CSMD1: variants seen among roughly 807,000 people sequenced by gnomAD.
CSMD1 encodes CUB and Sushi multiple domains 1, also known as CUB and sushi domain-containing protein 1.
In CSMD1, 213 loss-of-function variants were observed where a neutral mutation model predicts 417.5. That is an observed-to-expected ratio of 0.51 (90% CI 0.46 to 0.57). The LOEUF (loss-of-function observed/expected upper bound fraction) is 0.57, where lower values mean the gene tolerates loss of function less well. Ranked by LOEUF, CSMD1 falls within the 20% of genes least tolerant of loss-of-function variation. The pLI is 0.00. For missense variants in CSMD1, 6,923 were observed against 4,529.7 expected (o/e 1.53, Z -15.17); for synonymous variants, 2,862 against 1,736.8 (o/e 1.65, Z -16.11).
At chr8:4,643,799 T>C (rs1234563531) in intron 1 of CSMD1, among the ~76,000 whole-genome samples, 2 of 152,324 alleles carry the variant, frequency 1.3e-5, no homozygotes, top group South Asian at 2.1e-4. Context: ...TAATTAATTG[T>C]GGAAGGACCA....
chr8:3,620,215 G>T (rs1802356145), intron 7 of CSMD1, among the ~76,000 whole-genome samples: 1 of 152,044 alleles, frequency 6.6e-6, no homozygotes, highest in Non-Finnish European at 1.5e-5. Flanking sequence ...AAATGAAAGG[G>T]AAATTAAGAC....
chr8:3,240,407 A>T (rs951791354), intron 26 of CSMD1, among the ~76,000 whole-genome samples: 2 of 134,862 alleles, frequency 1.5e-5, no homozygotes, highest in Non-Finnish European at 3.2e-5. Flanking sequence ...AAAGTATCCA[A>T]CCATGCCTAG....
intron 11 of CSMD1, among the ~76,000 whole-genome samples, chr8:3,482,747 A>G (rs1046689241): frequency 6.6e-6 from 1 of 152,254 alleles, no homozygotes; most frequent in African/African-American, 2.4e-5. Context: ...AGATCTTGAC[A>G]TATTCAAATG....
At position 3,577,451 on chromosome 8, in the gene CSMD1, A is replaced by C. The variant is rs552849954; in HGVS notation, c.1223-2385T>G. ...TCTGTCCGTCTTTGCAACATATTTT[A>C]ATAAAAAATTGTTTATTTTTTGTCC... is the stretch of plus-strand genomic sequence containing the variant. On this transcript the variant is annotated intron_variant, in intron 9 of 69. Coordinates refer to ENST00000635120, the MANE Select transcript of CSMD1 (RefSeq NM_033225.6). 5.9e-5 allele frequency among the ~76,000 whole-genome samples: 9 copies of C among 152,300 alleles called. No individual in the cohort carries two copies. The South Asian group carries it at 1.9e-3, about 32-fold the overall frequency.
At position 3,894,976 on chromosome 8, in the gene CSMD1, A is replaced by G. The variant is rs117893511; in HGVS notation, c.818+102927T>C. On this transcript the variant is annotated intron_variant, in intron 5 of 69. Transcript: ENST00000635120. ...ATGAATAGGGTAATTAGAAGAGTCA[A>G]TCATGAATCTCCCATTTGGTATGAA... 6.9e-3 allele frequency among the ~76,000 whole-genome samples: 1,055 copies of G among 152,332 alleles called. 5 individuals carry two copies. The highest frequency in any genetic ancestry group is 0.011 in the Non-Finnish European group (777 of 68,036).
intron 5 of CSMD1, among the ~76,000 whole-genome samples, chr8:3,871,300 C>T (rs922545250): frequency 6.6e-6 from 1 of 152,000 alleles, no homozygotes. Flanking sequence ...GATTTATACT[C>T]CTACTAGTAG....
At chr8:4,273,833 T>C (rs1481660954) in intron 3 of CSMD1, among the ~76,000 whole-genome samples, 1 of 152,140 alleles carries the variant, frequency 6.6e-6, no homozygotes, top group African/African-American at 2.4e-5. Context: ...CTCCAAATGG[T>C]TGTGAAGGTG....
intron 3 of CSMD1, among the ~76,000 whole-genome samples, chr8:4,346,379 C>G (rs1194930370): frequency 6.6e-6 from 1 of 152,156 alleles, no homozygotes; most frequent in East Asian, 1.9e-4. Context: ...GGCTGCTTAC[C>G]TGACCCCACA....
chr8:3,992,918 G>C (rs1422552313), intron 5 of CSMD1, among the ~76,000 whole-genome samples: 1 of 152,220 alleles, frequency 6.6e-6, no homozygotes, highest in East Asian at 1.9e-4. Context: ...TCTCACAAAA[G>C]ATTGAATTGT....
intron 3 of CSMD1, among the ~76,000 whole-genome samples, chr8:4,084,907 A>G (rs1466507118): frequency 6.6e-6 from 1 of 152,004 alleles, no homozygotes; most frequent in African/African-American, 2.4e-5. Context: ...AGAAAAAACA[A>G]AAACAAAAAC....
At chr8:4,274,889 T>C (rs1247130424) in intron 3 of CSMD1, among the ~76,000 whole-genome samples, 1 of 152,190 alleles carries the variant, frequency 6.6e-6, no homozygotes, top group East Asian at 1.9e-4. Flanking sequence ...AAAGGTTTGC[T>C]CACAGATATT....
chr8:3,301,021 A>T (rs1804359589), intron 25 of CSMD1, among the ~76,000 whole-genome samples: 1 of 151,584 alleles, frequency 6.6e-6, no homozygotes, highest in African/African-American at 2.4e-5. Context: ...AAGCAACAAG[A>T]GAGACAATGT....
intron 1 of CSMD1, among the ~76,000 whole-genome samples, chr8:4,726,631 T>C (rs1242281900): frequency 2.0e-5 from 3 of 152,184 alleles, no homozygotes; most frequent in Non-Finnish European, 2.9e-5. Flanking sequence ...CCCTGAATCA[T>C]TATTTCAAGG....
intron 1 of CSMD1, among the ~76,000 whole-genome samples, chr8:4,665,709 T>A (rs1804878242): frequency 6.6e-6 from 1 of 152,252 alleles, no homozygotes; most frequent in African/African-American, 2.4e-5. Context: ...TTCCTCTTTG[T>A]TCTGAGTAGT....
At chr8:4,893,655 C>G (rs1804280154) in intron 1 of CSMD1, among the ~76,000 whole-genome samples, 1 of 152,038 alleles carries the variant, frequency 6.6e-6, no homozygotes, top group African/African-American at 2.4e-5. Flanking sequence ...AGAAGCCGAA[C>G]TTCTTTTTCC....
intron 1 of CSMD1, among the ~76,000 whole-genome samples, chr8:4,904,497 G>A (rs1805106942): frequency 6.6e-6 from 1 of 152,124 alleles, no homozygotes; most frequent in African/African-American, 2.4e-5. Context: ...CAATCGTCCT[G>A]ACTCAGAGCC....
chr8:3,710,564 T>C (rs528202155), intron 6 of CSMD1, among the ~76,000 whole-genome samples: 1 of 152,176 alleles, frequency 6.6e-6, no homozygotes, highest in Non-Finnish European at 1.5e-5. Flanking sequence ...CCCTCACTGA[T>C]GTCACTAAGC....
chr8:4,786,145 A>G (rs1015321585), intron 1 of CSMD1, among the ~76,000 whole-genome samples: 3 of 152,342 alleles, frequency 2.0e-5, no homozygotes, highest in African/African-American at 7.2e-5. Context: ...AATGGATTTT[A>G]ACAGCCACTT....
chr8:3,171,310 G>C (rs978169925), intron 37 of CSMD1, among the ~76,000 whole-genome samples: 1 of 152,182 alleles, frequency 6.6e-6, no homozygotes, highest in African/African-American at 2.4e-5. Flanking sequence ...ACAACCTGGT[G>C]ACAGAAAGTG....
Sources: gnomAD v4.1 joint callset for allele counts (sites outside exome capture counted in the v4.1 genomes callset) on GRCh38, gnomAD v4.1.1 for gene constraint, MANE v1.5 for transcripts, NCBI Gene and HGNC (gene_info 2026-07-23, HGNC 2026-07-21) for gene names.